Variants in DCDC2C observed in about 807,000 individuals in gnomAD.
DCDC2C encodes the protein doublecortin domain-containing protein 2C.
A neutral mutation model predicts 45.0 loss-of-function variants in DCDC2C; 44 were observed. The ratio of observed to expected loss-of-function variants is 0.98; its 90% CI spans 0.77 to 1.26. DCDC2C has a LOEUF of 1.26. Ranked by LOEUF, DCDC2C falls within the 50% of genes most tolerant of loss-of-function variation. The pLI is 0.00. For missense variants in DCDC2C, 447 were observed against 468.9 expected, an observed-to-expected ratio of 0.95 and a Z score of 0.43; for synonymous variants, 187 against 178.8, an observed-to-expected ratio of 1.05 and a Z score of -0.37.
At chr2:3,811,308 T>C (rs1271930097) in intron 10 of DCDC2C, among the ~76,000 whole-genome samples, 2 of 152,188 alleles carry the variant, frequency 1.3e-5, no homozygotes, top group African/African-American at 2.4e-5. Context: ...CCCTTGTAAA[T>C]TGTATTCCTA....
chr2:3,756,748 A>T (rs1435470999), intron 6 of DCDC2C, among the ~76,000 whole-genome samples: 4 of 152,212 alleles, frequency 2.6e-5, no homozygotes, highest in Non-Finnish European at 5.9e-5. Context: ...GCCAGGTTTT[A>T]TTGGAGATTT....
chr2:3,723,603 G>A lies in DCDC2C; in HGVS notation c.340-3400G>A, dbSNP rs1668554471. Among the ~76,000 whole-genome samples the A allele has an allele frequency of 2.0e-5, 3 of 152,290 alleles. No homozygotes were observed. In the South Asian group the frequency reaches 6.2e-4, roughly 32 times the overall value. ...GTGAGGGGTAGGTAGAGTAAGGGCA[G>A]GCCTTACTGAGGGACATCACACTGC... On this transcript the variant is annotated intron_variant, in intron 2 of 10. Coordinates refer to ENST00000399143, the MANE Select transcript of DCDC2C (RefSeq NM_001287444.2).
At chr2:3,741,868 T>C in intron 3 of DCDC2C, 52 bp from the exon 4 acceptor site, 42 of 1,497,170 alleles carry the variant, frequency 2.8e-5, no homozygotes, top group Non-Finnish European at 3.8e-5. Context: ...TTTTCAATGT[T>C]TCCCCCTCAA....
At chr2:3,810,803 G>A (rs1161937303) in intron 10 of DCDC2C, among the ~76,000 whole-genome samples, 1 of 152,192 alleles carries the variant, frequency 6.6e-6, no homozygotes, top group Admixed American at 6.5e-5. Context: ...CATATGGCTA[G>A]CCAGTTTTCC....
chr2:3,826,832 C>G (rs1671829818), intron 10 of DCDC2C, among the ~76,000 whole-genome samples: 1 of 152,088 alleles, frequency 6.6e-6, no homozygotes, highest in African/African-American at 2.4e-5. Flanking sequence ...ATGAGATTAC[C>G]TGATAGTAAG....
chr2:3,743,521 A>T (rs1170718206), intron 4 of DCDC2C, among the ~76,000 whole-genome samples: 1 of 152,226 alleles, frequency 6.6e-6, no homozygotes, highest in African/African-American at 2.4e-5. Context: ...GTCTTAGCAA[A>T]TGTAAGACTA....
At chr2:3,839,527 C>T (rs771314566) in intron 10 of DCDC2C, among the ~76,000 whole-genome samples, 9 of 152,144 alleles carry the variant, frequency 5.9e-5, no homozygotes, top group Non-Finnish European at 1.2e-4. Flanking sequence ...AGTGGTTTTT[C>T]TGACCTCATC....
intron 10 of DCDC2C, among the ~76,000 whole-genome samples, chr2:3,799,853 C>CT: frequency 6.6e-6 from 1 of 152,286 alleles, no homozygotes; most frequent in Non-Finnish European, 1.5e-5. Context: ...GAGGTGGAGC[C>CT]TGCAGAGGCA....
chr2:3,743,864 T>A (rs951046039), intron 4 of DCDC2C, among the ~76,000 whole-genome samples: 1 of 152,154 alleles, frequency 6.6e-6, no homozygotes, highest in African/African-American at 2.4e-5. Flanking sequence ...AGTCAGGAGT[T>A]CAAGACCAGC....
intron 2 of DCDC2C, among the ~76,000 whole-genome samples, chr2:3,715,801 C>G (rs1314353514): frequency 6.6e-6 from 1 of 152,206 alleles, no homozygotes; most frequent in African/African-American, 2.4e-5. Context: ...GGAAAAACAT[C>G]TCTGCCCTCA....
At chr2:3,816,508 A>G (rs576221590) in intron 10 of DCDC2C, among the ~76,000 whole-genome samples, 6 of 152,286 alleles carry the variant, frequency 3.9e-5, no homozygotes, top group African/African-American at 1.4e-4. Context: ...AAAGCCAGCC[A>G]TTGTTTGTTA....
At chr2:3,717,787 C>T (rs538751787) in intron 2 of DCDC2C, among the ~76,000 whole-genome samples, 1 of 152,296 alleles carries the variant, frequency 6.6e-6, no homozygotes, top group South Asian at 2.1e-4. Context: ...AGGATCCAGT[C>T]CTTGATGGAT....
chr2:3,839,321 T>C (rs761550078), intron 10 of DCDC2C, among the ~76,000 whole-genome samples: 1 of 152,250 alleles, frequency 6.6e-6, no homozygotes, highest in Non-Finnish European at 1.5e-5. Flanking sequence ...AACCAAAACA[T>C]TGGATTTATT....
chr2:3,735,486 T>C (rs1171621231), intron 3 of DCDC2C, among the ~76,000 whole-genome samples: 4 of 152,030 alleles, frequency 2.6e-5, no homozygotes, highest in Non-Finnish European at 5.9e-5. Context: ...ATTGTTCAAT[T>C]CCCACCTGAG....
rs192109854 is a variant in DCDC2C, at chr2:3,759,753, A to G, written c.726+5119A>G. Among the ~76,000 whole-genome samples, 4 of 152,350 alleles carry G rather than the reference A, an allele frequency of 2.6e-5. 1 individual carries two copies. The East Asian group carries it at 7.7e-4, about 29-fold the overall frequency. ...TAAAAGTATTTTCGATGTCAAGTCA[A>G]ATTCCTTGTGTGTCCAGCAGAGGAT... On this transcript the variant is annotated intron_variant, in intron 6 of 10. Coordinates refer to ENST00000399143, the MANE Select transcript of DCDC2C (RefSeq NM_001287444.2).
chr2:3,847,033 A>T, intron 10 of DCDC2C, 121 bp from the exon 11 acceptor site: 1 of 159,220 alleles, frequency 6.3e-6, no homozygotes. Flanking sequence ...CCCTCCCAGG[A>T]ACAACACCCA....
intron 3 of DCDC2C, among the ~76,000 whole-genome samples, chr2:3,738,683 A>G (rs937600489): frequency 2.0e-5 from 3 of 151,258 alleles, no homozygotes; most frequent in African/African-American, 7.3e-5. Context: ...TTATAGGTAT[A>G]TGTGTACTGC....
chr2:3,722,301 T>C (rs541404298), intron 2 of DCDC2C, among the ~76,000 whole-genome samples: 3 of 152,242 alleles, frequency 2.0e-5, no homozygotes, highest in Non-Finnish European at 4.4e-5. Flanking sequence ...TAAAATAAAA[T>C]GTTTTTTGAT....
chr2:3,792,841 T>C (rs1309208448), intron 10 of DCDC2C, among the ~76,000 whole-genome samples: 1 of 152,192 alleles, frequency 6.6e-6, no homozygotes. Context: ...GAAAGGGACT[T>C]GAAAGTCCAC....
Sources: allele counts gnomAD v4.1 joint callset (sites outside exome capture counted in the v4.1 genomes callset), GRCh38; gene constraint gnomAD v4.1.1; transcripts MANE v1.5; gene names NCBI Gene and HGNC (gene_info 2026-07-23, HGNC 2026-07-21).